Variants in ITPK1 observed in about 807,000 individuals in gnomAD.
The protein encoded by ITPK1 is inositol 1,3,4-trisphosphate 5/6-kinase.
A neutral mutation model predicts 45.3 loss-of-function variants in ITPK1; 21 were observed. That is an observed-to-expected ratio of 0.46 (90% CI 0.33 to 0.67). The LOEUF is 0.67. ITPK1 is among the 30% of genes least tolerant of loss of function. ITPK1 has a pLI of 0.02. For synonymous variants in ITPK1, 258 were observed against 253.6 expected, an observed-to-expected ratio of 1.02 and a Z score of -0.16; for missense variants, 474 against 573.5, an observed-to-expected ratio of 0.83 and a Z score of 1.77.
intron 2 of ITPK1, among the ~76,000 whole-genome samples, chr14:93,100,826 TGA>T (rs1330986238): frequency 6.6e-6 from 1 of 151,998 alleles, no homozygotes; most frequent in African/African-American, 2.4e-5. Context: ...TAATTGAGAG[TGA>T]GAGGACTGGA....
At chr14:93,023,255 T>C (rs10150807) in intron 3 of ITPK1, among the ~76,000 whole-genome samples, 2 of 152,166 alleles carry the variant, frequency 1.3e-5, no homozygotes, top group African/African-American at 4.8e-5. Context: ...ATGTGACTCG[T>C]TCTGGCCAAT....
chr14:93,074,184 T>C (rs986485437), intron 3 of ITPK1, among the ~76,000 whole-genome samples: 5 of 152,204 alleles, frequency 3.3e-5, no homozygotes, highest in Non-Finnish European at 5.9e-5. Context: ...GTAGGTTTTA[T>C]TTTTAGATGC....
chr14:93,008,024 A>G (rs1887708313), intron 4 of ITPK1, among the ~76,000 whole-genome samples: 1 of 152,226 alleles, frequency 6.6e-6, no homozygotes, highest in African/African-American at 2.4e-5. Context: ...AGCCCACTGC[A>G]GACAGCCCTA....
At chr14:93,078,712 C>T (rs1037792758) in intron 2 of ITPK1, among the ~76,000 whole-genome samples, 6 of 152,164 alleles carry the variant, frequency 3.9e-5, no homozygotes, top group African/African-American at 9.7e-5. Flanking sequence ...CCCAACCACC[C>T]GCTCACAACC....
rs146844935 is a variant in ITPK1 at position 92,965,398 on chromosome 14, G to GAA, written c.365-2551_365-2550dup. ...TCTAGAAAAACCCAGACTCCCCAGTGAAAGACTAGACACTTCCCCTAAGAC... is the reference window on the plus strand; with the variant it reads ...TCTAGAAAAACCCAGACTCCCCAGTGAAAAAGACTAGACACTTCCCCTAAGAC... On this transcript the variant is annotated intron_variant, in intron 5 of 10. Coordinates refer to ENST00000267615, the MANE Select transcript of ITPK1 (RefSeq NM_014216.6). Among the ~76,000 whole-genome samples the GAA allele has an allele frequency of 7.2e-3, 1,094 of 152,304 alleles. 4 individuals carry two copies. The highest frequency in any genetic ancestry group is 0.01 in the Non-Finnish European group (708 of 68,024).
chr14:93,040,286 A>G (rs1057284258), intron 3 of ITPK1, among the ~76,000 whole-genome samples: 6 of 152,176 alleles, frequency 3.9e-5, no homozygotes, highest in Non-Finnish European at 7.3e-5. Context: ...AGCTACATGA[A>G]GCAGAGCTTT....
At chr14:93,018,229 A>C (rs1888288914) in intron 3 of ITPK1, among the ~76,000 whole-genome samples, 1 of 152,158 alleles carries the variant, frequency 6.6e-6, no homozygotes, top group African/African-American at 2.4e-5. Context: ...TTCTGGCAGC[A>C]GTCACAGCCC....
intron 10 of ITPK1, among the ~76,000 whole-genome samples, chr14:92,944,717 G>T (rs911530920): frequency 6.6e-6 from 1 of 152,020 alleles, no homozygotes. Context: ...TATCCTGAAC[G>T]TCCCTTGCAT....
rs565101470 is a variant in ITPK1, at chr14:92,952,138, C to T, written c.671-125G>A. The T allele has an allele frequency of 5.3e-6, 4 of 759,086 alleles. No homozygotes were observed. The South Asian group carries it at 6.3e-5, about 12-fold the overall frequency. The allele number at this position is 759,086 out of a possible 1,614,324, so 47.0% of individuals were successfully genotyped here. On this transcript the variant is annotated intron_variant, in intron 8 of 10. Transcript: ENST00000267615. Reference sequence around the variant, plus strand: ...CACGTGGCCCCCGGCTCTGCAGAGCCCTGGGCTCCAGCAAGCTGGGCACCA... The same window carrying T: ...CACGTGGCCCCCGGCTCTGCAGAGCTCTGGGCTCCAGCAAGCTGGGCACCA...
chr14:93,051,406 A>T (rs1354748893), intron 3 of ITPK1, among the ~76,000 whole-genome samples: 1 of 152,216 alleles, frequency 6.6e-6, no homozygotes, highest in African/African-American at 2.4e-5. Flanking sequence ...GCTTGAACTC[A>T]GGAGTTTGAG....
intron 3 of ITPK1, among the ~76,000 whole-genome samples, chr14:93,056,372 CCTGAAAGCTTGGTGAA>C (rs1327619648): frequency 2.6e-5 from 4 of 152,154 alleles, no homozygotes; most frequent in Non-Finnish European, 5.9e-5. Flanking sequence ...TGAGAAGGTG[CCTGAAAGCTTGGTGAA>C]CTGCAGACTG....
intron 2 of ITPK1, among the ~76,000 whole-genome samples, chr14:93,096,834 A>C (rs1033398601): frequency 6.6e-6 from 1 of 152,158 alleles, no homozygotes; most frequent in Admixed American, 6.5e-5. Context: ...GGATTGCCAC[A>C]AAGATAACAC....
intron 3 of ITPK1, among the ~76,000 whole-genome samples, chr14:93,040,424 C>T (rs1015168861): frequency 1.3e-5 from 2 of 152,166 alleles, no homozygotes; most frequent in Non-Finnish European, 2.9e-5. Context: ...TGCCACTCCC[C>T]ACCTGCAGAG....
intron 2 of ITPK1, among the ~76,000 whole-genome samples, chr14:93,100,879 C>T (rs1205509920): frequency 6.6e-6 from 1 of 152,222 alleles, no homozygotes; most frequent in African/African-American, 2.4e-5. Context: ...ATGTGGCCCA[C>T]TCCATAGGTC....
chr14:92,971,569 T>C (rs1885655815), intron 5 of ITPK1, among the ~76,000 whole-genome samples: 1 of 152,084 alleles, frequency 6.6e-6, no homozygotes, highest in Non-Finnish European at 1.5e-5. Context: ...GTCCAAGAAG[T>C]AGGTCAAATG....
intron 5 of ITPK1, among the ~76,000 whole-genome samples, chr14:92,989,016 C>T (rs1014216324): frequency 2.0e-5 from 3 of 152,130 alleles, no homozygotes; most frequent in African/African-American, 7.2e-5. Flanking sequence ...CACCCCTCTG[C>T]AGCTCCCCGA....
intron 4 of ITPK1, among the ~76,000 whole-genome samples, chr14:93,008,629 C>G (rs1353823537): frequency 1.3e-5 from 2 of 152,160 alleles, no homozygotes; most frequent in Non-Finnish European, 2.9e-5. Context: ...AGAGGCCCAG[C>G]GCGTGGTTTA....
chr14:93,067,050 T>C (rs1408772727), intron 3 of ITPK1, among the ~76,000 whole-genome samples: 1 of 152,236 alleles, frequency 6.6e-6, no homozygotes, highest in East Asian at 1.9e-4. Context: ...AGCAATGCTA[T>C]GGATACCTTC....
chr14:93,108,625 C>A lies in ITPK1; in HGVS notation c.95+6444G>T, dbSNP rs1289288239. ...GACCATCTCACCCACAGATTTGTCC[C>A]GGCCCTGAGCGCAGGAGGGTGCGCA... On this transcript the variant is annotated intron_variant, in intron 2 of 10. Coordinates refer to ENST00000267615, the MANE Select transcript of ITPK1 (RefSeq NM_014216.6). 2.0e-5 allele frequency among the ~76,000 whole-genome samples: 3 copies of A among 152,222 alleles called. No individual in the cohort carries two copies. In the East Asian group the frequency reaches 5.8e-4, roughly 29 times the overall value.
Sources: allele counts gnomAD v4.1 joint callset (sites outside exome capture counted in the v4.1 genomes callset), GRCh38; gene constraint gnomAD v4.1.1; transcripts MANE v1.5; gene names NCBI Gene and HGNC (gene_info 2026-07-23, HGNC 2026-07-21).